The following FNIP1 variants were observed in gnomAD, a reference collection of about 807,000 sequenced individuals.
FNIP1 encodes the protein folliculin-interacting protein 1.
A neutral mutation model predicts 124.5 loss-of-function variants in FNIP1; 40 were observed. The observed-to-expected ratio is 0.32, with a 90% CI of 0.25 to 0.42. The LOEUF (loss-of-function observed/expected upper bound fraction) is 0.42, where lower values mean the gene tolerates loss of function less well. FNIP1 is among the 10% of genes least tolerant of loss of function. The pLI is 1.00. For synonymous variants in FNIP1, 472 were observed against 470.6 expected (o/e 1.00, Z -0.04); for missense variants, 1,176 against 1,403.7 (o/e 0.84, Z 2.59).
chr5:131,678,519 C>T (rs576062750), intron 12 of FNIP1, among the ~76,000 whole-genome samples: 7 of 152,248 alleles, frequency 4.6e-5, no homozygotes, highest in East Asian at 1.9e-4. Context: ...GCCATTCTCC[C>T]GTCTCAGCCT....
intron 1 of FNIP1, among the ~76,000 whole-genome samples, chr5:131,759,665 C>G (rs999741177): frequency 1.3e-5 from 2 of 152,100 alleles, no homozygotes; most frequent in African/African-American, 4.8e-5. Context: ...AGTTTAGCCA[C>G]TGTGGAAAGC....
chr5:131,697,208 T>C (rs951127565), intron 11 of FNIP1, among the ~76,000 whole-genome samples: 4 of 152,174 alleles, frequency 2.6e-5, no homozygotes, highest in African/African-American at 4.8e-5. Context: ...ATGTAGTTTT[T>C]CTAAAAGTAA....
intron 6 of FNIP1, 36 bp downstream of exon 6, chr5:131,716,529 A>G: frequency 7.1e-7 from 1 of 1,409,984 alleles, no homozygotes; most frequent in South Asian, 1.2e-5. Context: ...CCCTGCTAGT[A>G]TTTTTTAAAC....
chr5:131,794,256 T>G (rs987818227), intron 1 of FNIP1, among the ~76,000 whole-genome samples: 2 of 115,402 alleles, frequency 1.7e-5, no homozygotes, highest in Non-Finnish European at 3.7e-5. Flanking sequence ...AAAAAAAAAG[T>G]AAATTTCATA....
intron 15 of FNIP1, among the ~76,000 whole-genome samples, chr5:131,654,925 T>A (rs1252929321): frequency 1.3e-5 from 2 of 152,250 alleles, no homozygotes; most frequent in African/African-American, 4.8e-5. Context: ...TAAAACAGTA[T>A]TCAAATATTT....
chr5:131,708,695 G>A (rs976993041), intron 8 of FNIP1, among the ~76,000 whole-genome samples: 13 of 151,652 alleles, frequency 8.6e-5, no homozygotes, highest in Non-Finnish European at 1.6e-4. Context: ...TCTGTGTTCC[G>A]TAAGGGCAGA....
chr5:131,706,831 G>T (rs1407510633), intron 8 of FNIP1, among the ~76,000 whole-genome samples: 1 of 152,070 alleles, frequency 6.6e-6, no homozygotes, highest in Middle Eastern at 3.2e-3. Context: ...TTATCCCTTT[G>T]GCCACTGGAT....
intron 11 of FNIP1, among the ~76,000 whole-genome samples, chr5:131,682,699 A>G (rs1358150560): frequency 6.6e-6 from 1 of 151,814 alleles, no homozygotes; most frequent in South Asian, 2.1e-4. Flanking sequence ...CCTGGGCGGT[A>G]GAGCAAGACT....
chr5:131,652,171 ACATATTATAGATAT>A (rs1246781713), intron 15 of FNIP1, among the ~76,000 whole-genome samples, 172 bp from the exon 16 acceptor site: 3 of 152,230 alleles, frequency 2.0e-5, no homozygotes, highest in Admixed American at 2.0e-4. Context: ...ATACCCTGAG[ACATATTATAGATAT>A]CATCGTAGAT....
intron 1 of FNIP1, among the ~76,000 whole-genome samples, chr5:131,751,001 A>G (rs1770856097): frequency 1.3e-5 from 2 of 152,188 alleles, no homozygotes; most frequent in Admixed American, 1.3e-4. Context: ...TTATATAAGC[A>G]GTGATGCCAT....
chr5:131,649,033 T>C lies in FNIP1; in HGVS notation c.3307-1828A>G, dbSNP rs72791119. Among the ~76,000 whole-genome samples the C allele has an allele frequency of 6.1e-3, 923 of 152,358 alleles. 10 individuals carry two copies. The highest frequency in any genetic ancestry group is 9.9e-3 in the Non-Finnish European group (676 of 68,022). ...AATAAATATTGCATTGTATATATTA[T>C]ACCACATTTTGTTTATCCATTCATT... is the stretch of plus-strand genomic sequence containing the variant. On this transcript the variant is annotated intron_variant, in intron 16 of 17. Coordinates refer to ENST00000510461, the MANE Select transcript of FNIP1 (RefSeq NM_133372.3).
chr5:131,672,516 A>T lies in FNIP1; in HGVS notation c.1928T>A (p.Ile643Asn). Residue 643 changes from isoleucine (I) to asparagine (N), a missense_variant, in exon 14 of 18, where the codon ATT (isoleucine) becomes AAT (asparagine). By Grantham distance (149) the Ile-to-Asn change is moderately radical. This residue lies in a region of FNIP1 where 1,109 missense variants were observed against 1,288.5 expected (regional missense o/e 0.86). Coordinates refer to ENST00000510461, the MANE Select transcript of FNIP1 (RefSeq NM_133372.3). ...AGAAATCATCTGGCACTCATCTGAA[A>T]TTCCTAGCAGCTCCTTAGAGCTGTT... The part of the protein sequence containing the change: ...IQNSSKELLG[I>N]SDECQMISPS... 1 of 1,613,620 alleles carries T rather than the reference A, an allele frequency of 6.2e-7. No homozygotes were observed. The highest frequency in any genetic ancestry group is 2.2e-5 in the East Asian group (1 of 44,900).
Position 131,706,468 on chromosome 5 carries a change from T to C in FNIP1, c.857A>G (p.Gln286Arg). The stretch of plus-strand genomic sequence containing the variant: ...TGTTTGGCTGCGTCGCCAACGTCGC[T>C]GGTAGCTGCTGGCACAACTTCGGGT... ...SLTRSCASSY[Q>R]RRWRRSQTTS... The change falls in exon 9 of 18, where the codon CAG (glutamine) becomes CGG (arginine). Residue 286 changes from glutamine (Q) to arginine (R), a missense_variant. Coordinates refer to ENST00000510461, the MANE Select transcript of FNIP1 (RefSeq NM_133372.3). 1 of 1,613,504 alleles carries C rather than the reference T, an allele frequency of 6.2e-7. No homozygotes were observed. Among genetic ancestry groups the C allele is most frequent in the Non-Finnish European group, 8.5e-7 (1 of 1,179,620 alleles).
At chr5:131,725,899 A>G (rs941259624) in intron 3 of FNIP1, among the ~76,000 whole-genome samples, 1 of 152,210 alleles carries the variant, frequency 6.6e-6, no homozygotes, top group African/African-American at 2.4e-5. Context: ...GAGAGTTTTT[A>G]GCATGATAGG....
chr5:131,759,457 C>T (rs1187364162), intron 1 of FNIP1, among the ~76,000 whole-genome samples: 1 of 152,098 alleles, frequency 6.6e-6, no homozygotes, highest in Non-Finnish European at 1.5e-5. Context: ...TGACACTTCT[C>T]AAAAGATGAC....
At chr5:131,757,293 T>G (rs190076784) in intron 1 of FNIP1, among the ~76,000 whole-genome samples, 11 of 152,118 alleles carry the variant, frequency 7.2e-5, no homozygotes, top group African/African-American at 2.7e-4. Context: ...AGGTAGAGAA[T>G]AAGAGAAGGA....
intron 1 of FNIP1, among the ~76,000 whole-genome samples, chr5:131,789,679 C>G (rs1350084180): frequency 6.6e-6 from 1 of 152,256 alleles, no homozygotes; most frequent in African/African-American, 2.4e-5. Context: ...CGAGACCTGT[C>G]AGCAACCAGT....
chr5:131,672,141 C>T lies in FNIP1; in HGVS notation c.2303G>A (p.Arg768Gln), dbSNP rs993296061. ...SMSPDSDTEL[R>Q]SQAVVDQITR... ...AATCTGATCCACCACTGCCTGACTT[C>T]GAAGCTCAGTATCTGAATCAGGTGA... Residue 768 changes from arginine to glutamine, a missense_variant, in exon 14 of 18, where the codon CGA becomes CAA. Arg to Gln is a conservative substitution (Grantham distance 43). Coordinates refer to ENST00000510461, the MANE Select transcript of FNIP1 (RefSeq NM_133372.3). 7 of 1,614,158 alleles carry T rather than the reference C, an allele frequency of 4.3e-6. No homozygotes were observed. Among genetic ancestry groups the T allele is most frequent in the Admixed American group, 1.7e-5 (1 of 60,020 alleles).
intron 9 of FNIP1, among the ~76,000 whole-genome samples, chr5:131,706,032 G>T (rs1445178488): frequency 6.6e-6 from 1 of 152,026 alleles, no homozygotes; most frequent in Non-Finnish European, 1.5e-5. Context: ...TTCATACAAG[G>T]TATGAATGAA....
Sources: gnomAD v4.1 joint callset for allele counts (sites outside exome capture counted in the v4.1 genomes callset) on GRCh38, gnomAD v4.1.1 for gene constraint, gnomAD v4.1.1 regional missense constraint, MANE v1.5 for transcripts, NCBI Gene and HGNC (gene_info 2026-07-23, HGNC 2026-07-21) for gene names.